INPP4B: variants seen among roughly 807,000 people sequenced by gnomAD.
INPP4B encodes the protein inositol polyphosphate 4-phosphatase type II.
A neutral mutation model predicts 122.5 loss-of-function variants in INPP4B; 55 were observed. The ratio of observed to expected loss-of-function variants is 0.45; its 90% confidence interval spans 0.36 to 0.56. INPP4B has a LOEUF of 0.56. Among genes scored for constraint, INPP4B ranks in the 20% least tolerant of loss-of-function variants. The probability of loss-of-function intolerance (pLI) is 0.00; values close to 1 mark genes in which losing one functional copy is unlikely to be tolerated. For missense variants in INPP4B, 1,000 were observed against 1,097.7 expected (o/e 0.91, Z 1.26); for synonymous variants, 403 against 388.7 (o/e 1.04, Z -0.43).
At chr4:142,565,079 G>A (rs1731338956) in intron 2 of INPP4B, among the ~76,000 whole-genome samples, 1 of 149,432 alleles carries the variant, frequency 6.7e-6, no homozygotes, top group Admixed American at 6.6e-5. Context: ...GTCTTTCTTT[G>A]TGTTTTATGA....
chr4:142,584,434 G>T (rs1339161857), intron 2 of INPP4B, among the ~76,000 whole-genome samples: 1 of 152,046 alleles, frequency 6.6e-6, no homozygotes, highest in Non-Finnish European at 1.5e-5. Context: ...ATTAGACATT[G>T]TATCTCCTTG....
At chr4:142,689,712 C>T (rs1234331285) in intron 2 of INPP4B, among the ~76,000 whole-genome samples, 4 of 152,014 alleles carry the variant, frequency 2.6e-5, no homozygotes, top group Non-Finnish European at 5.9e-5. Context: ...ATAAAATGAC[C>T]CATAATATAC....
At chr4:142,319,454 G>C (rs1441948439) in intron 7 of INPP4B, among the ~76,000 whole-genome samples, 7 of 152,158 alleles carry the variant, frequency 4.6e-5, no homozygotes, top group Admixed American at 1.3e-4. Context: ...AGACACATAA[G>C]TGTCTTAATA....
chr4:142,146,046 A>G (rs1345903702), intron 17 of INPP4B, 50 bp from the exon 18 acceptor site: 2 of 1,573,256 alleles, frequency 1.3e-6, no homozygotes, highest in Non-Finnish European at 1.7e-6. Context: ...AAAACAAGAT[A>G]AGGCAAAGTC....
At chr4:142,791,365 G>T (rs1009455072) in intron 1 of INPP4B, among the ~76,000 whole-genome samples, 3 of 152,092 alleles carry the variant, frequency 2.0e-5, no homozygotes, top group Non-Finnish European at 4.4e-5. Context: ...GTATACTAAA[G>T]GGTCAGAGAT....
At chr4:142,643,152 C>T (rs995909407) in intron 2 of INPP4B, among the ~76,000 whole-genome samples, 2 of 152,080 alleles carry the variant, frequency 1.3e-5, no homozygotes, top group Non-Finnish European at 1.5e-5. Context: ...TACTTATCAG[C>T]TTAAGGAGAT....
At chr4:142,131,640 T>A (rs1487218045) in intron 18 of INPP4B, among the ~76,000 whole-genome samples, 1 of 152,226 alleles carries the variant, frequency 6.6e-6, no homozygotes, top group Non-Finnish European at 1.5e-5. Flanking sequence ...AGTACATTTC[T>A]TAGGCCATTT....
intron 25 of INPP4B, among the ~76,000 whole-genome samples, chr4:142,070,892 A>G (rs1344622586): frequency 1.3e-5 from 2 of 152,128 alleles, no homozygotes; most frequent in African/African-American, 4.8e-5. Flanking sequence ...AATCAATATC[A>G]TGAAAATGGC....
intron 23 of INPP4B, among the ~76,000 whole-genome samples, chr4:142,094,554 A>G (rs1416581140): frequency 5.9e-5 from 9 of 152,204 alleles, no homozygotes; most frequent in African/African-American, 1.9e-4. Flanking sequence ...TGCCCGTGCA[A>G]GAGCCAGACT....
At chr4:142,575,283 T>C (rs1733614727) in intron 2 of INPP4B, among the ~76,000 whole-genome samples, 1 of 151,744 alleles carries the variant, frequency 6.6e-6, no homozygotes, top group African/African-American at 2.4e-5. Flanking sequence ...ACAGAAAGAA[T>C]AGATGGACTC....
At chr4:142,118,587 C>T (rs1295875412) in intron 21 of INPP4B, among the ~76,000 whole-genome samples, 9 of 152,054 alleles carry the variant, frequency 5.9e-5, no homozygotes, top group Non-Finnish European at 7.4e-5. Context: ...AACTGGCTAG[C>T]CATATGTAGA....
intron 1 of INPP4B, among the ~76,000 whole-genome samples, chr4:142,832,154 G>A (rs1782223334): frequency 6.6e-6 from 1 of 152,190 alleles, no homozygotes; most frequent in African/African-American, 2.4e-5. Flanking sequence ...TATGTGGAAT[G>A]TGCCGAGTAG....
At chr4:142,132,835 A>T (rs975124277) in intron 18 of INPP4B, among the ~76,000 whole-genome samples, 5 of 152,138 alleles carry the variant, frequency 3.3e-5, no homozygotes, top group Non-Finnish European at 7.4e-5. Context: ...CAGCTCCTAT[A>T]CTTTATTTCT....
intron 2 of INPP4B, among the ~76,000 whole-genome samples, chr4:142,523,738 C>A (rs7668725): frequency 6.7e-6 from 1 of 148,840 alleles, no homozygotes; most frequent in Non-Finnish European, 1.5e-5. Flanking sequence ...ACATGTGCCA[C>A]GCTGGTGCGC....
chr4:142,735,534 A>T (rs534436678), intron 1 of INPP4B, among the ~76,000 whole-genome samples: 1 of 152,328 alleles, frequency 6.6e-6, no homozygotes, highest in Non-Finnish European at 1.5e-5. Flanking sequence ...TTTATAGATG[A>T]GTAAGCTGAA....
intron 7 of INPP4B, among the ~76,000 whole-genome samples, chr4:142,348,117 A>G (rs1348834566): frequency 6.6e-6 from 1 of 152,050 alleles, no homozygotes; most frequent in Non-Finnish European, 1.5e-5. Context: ...TCTTGCAAAT[A>G]ATATGCTTCT....
chr4:142,788,280 T>C (rs1182202949), intron 1 of INPP4B, among the ~76,000 whole-genome samples: 2 of 152,022 alleles, frequency 1.3e-5, no homozygotes, highest in African/African-American at 4.8e-5. Flanking sequence ...TTATAAAACA[T>C]ATTGAAAGTA....
chr4:142,407,693 C>T (rs547889716), intron 5 of INPP4B, among the ~76,000 whole-genome samples: 1 of 152,210 alleles, frequency 6.6e-6, no homozygotes, highest in East Asian at 1.9e-4. Flanking sequence ...TTACTGTACC[C>T]TAAGTCTTAT....
intron 11 of INPP4B, among the ~76,000 whole-genome samples, chr4:142,252,054 A>C (rs1381533573): frequency 1.3e-5 from 2 of 152,220 alleles, no homozygotes; most frequent in Non-Finnish European, 2.9e-5. Flanking sequence ...TGTTTACCGC[A>C]TAGGTGATCT....
Sources: allele counts gnomAD v4.1 joint callset (sites outside exome capture counted in the v4.1 genomes callset), GRCh38; gene constraint gnomAD v4.1.1; transcripts MANE v1.5; gene names NCBI Gene and HGNC (gene_info 2026-07-23, HGNC 2026-07-21).